The following FSTL5 variants were observed in gnomAD, a reference collection of about 807,000 sequenced individuals.
The protein encoded by FSTL5 is follistatin like 5.
In FSTL5, 62 loss-of-function variants were observed where a neutral mutation model predicts 89.1. The observed-to-expected ratio is 0.70, with a 90% confidence interval of 0.57 to 0.86. The LOEUF (loss-of-function observed/expected upper bound fraction) is 0.86. Ranked by LOEUF, FSTL5 falls within the 40% of genes least tolerant of loss-of-function variation. The probability of loss-of-function intolerance (pLI) is 0.00; values close to 1 mark genes in which losing one functional copy is unlikely to be tolerated. For synonymous variants in FSTL5, 383 were observed against 346.2 expected, an observed-to-expected ratio of 1.11 and a Z score of -1.18; for missense variants, 1,057 against 1,001.6, an observed-to-expected ratio of 1.06 and a Z score of -0.75.
At chr4:161,679,741 A>G (rs1416962225) in intron 6 of FSTL5, among the ~76,000 whole-genome samples, 1 of 151,890 alleles carries the variant, frequency 6.6e-6, no homozygotes, top group Admixed American at 6.6e-5. Flanking sequence ...AATAGCCAAT[A>G]TGATCTCTTT....
intron 9 of FSTL5, among the ~76,000 whole-genome samples, chr4:161,540,797 T>C (rs1731792334): frequency 6.6e-6 from 1 of 152,086 alleles, no homozygotes; most frequent in African/African-American, 2.4e-5. Flanking sequence ...CTGATACTGT[T>C]TTTCTAAATG....
At chr4:162,115,735 C>T (rs1731612210) in intron 1 of FSTL5, among the ~76,000 whole-genome samples, 3 of 152,150 alleles carry the variant, frequency 2.0e-5, no homozygotes, top group Admixed American at 2.0e-4. Context: ...AGGGGGTGGG[C>T]AGAGATCTCT....
At position 161,528,180 on chromosome 4, in the gene FSTL5, G is replaced by GATATA. The variant is rs1731294765; in HGVS notation, c.1312+9981_1312+9985dup. Among the ~76,000 whole-genome samples the GATATA allele has an allele frequency of 2.2e-5, 3 of 135,310 alleles. No homozygotes were observed. In the South Asian group the frequency reaches 8.6e-4, roughly 39 times the overall value. The allele number at this position is 135,310 out of a possible 152,430, so 88.8% of individuals were successfully genotyped here. A position where few individuals can be genotyped will look rare whatever the true frequency, so the allele number is the denominator to read the frequency against. On this transcript the variant is annotated intron_variant, in intron 10 of 15. Transcript: ENST00000306100. Reference sequence around the variant, plus strand: ...GGAGGGGGGAGGGATAACTTTAGGAGATATACCTAATGCTAAATGACGAGT... The same window carrying GATATA: ...GGAGGGGGGAGGGATAACTTTAGGAGATATAATATACCTAATGCTAAATGACGAGT...
At chr4:161,862,909 G>T (rs1731964680) in intron 4 of FSTL5, among the ~76,000 whole-genome samples, 1 of 152,198 alleles carries the variant, frequency 6.6e-6, no homozygotes, top group Non-Finnish European at 1.5e-5. Flanking sequence ...TATATGTATT[G>T]CTAGTTCTCC....
chr4:162,144,136 GA>G (rs1420881627), intron 1 of FSTL5, among the ~76,000 whole-genome samples: 9 of 152,064 alleles, frequency 5.9e-5, no homozygotes, highest in Non-Finnish European at 8.8e-5. Flanking sequence ...CCTTAGTGGA[GA>G]AAAGAACTTG....
At chr4:161,822,609 C>T (rs528688336) in intron 4 of FSTL5, among the ~76,000 whole-genome samples, 10 of 152,318 alleles carry the variant, frequency 6.6e-5, no homozygotes, top group African/African-American at 2.4e-4. Flanking sequence ...AAGAGGGTGT[C>T]ACAGCCCTGG....
rs546174906 is a variant in FSTL5 at position 161,884,113 on chromosome 4, G to A, written c.409+36291C>T. Among the ~76,000 whole-genome samples the A allele has an allele frequency of 7.4e-4, 112 of 151,924 alleles. 2 individuals are homozygous for A. The South Asian group carries it at 0.02, about 27-fold the overall frequency. On this transcript the variant is annotated intron_variant, in intron 4 of 15. Transcript: ENST00000306100. ...TTGCCCAGGCTGCAGTCAGTGGCAC[G>A]ATCTCAGCTCACTGCAACCTCAGCC...
chr4:162,000,705 C>T (rs1736439390), intron 3 of FSTL5, among the ~76,000 whole-genome samples: 1 of 152,006 alleles, frequency 6.6e-6, no homozygotes, highest in Non-Finnish European at 1.5e-5. Context: ...TACCTCTGTA[C>T]AATGACCTTT....
chr4:161,990,606 G>T (rs1736084186), intron 3 of FSTL5, among the ~76,000 whole-genome samples: 1 of 151,812 alleles, frequency 6.6e-6, no homozygotes, highest in Admixed American at 6.6e-5. Context: ...TCATTGAAAG[G>T]CATTAAGAAG....
In FSTL5 at chr4:162,160,835, A is replaced by G. The variant is rs371958411; in HGVS notation, c.-17+2780T>C. Among the ~76,000 whole-genome samples the G allele has an allele frequency of 9.2e-5, 14 of 151,856 alleles. No individual in the cohort carries two copies. The East Asian group carries it at 1.5e-3, about 17-fold the overall frequency. ...GTAACTAGAAAACAAAACAAAACAA[A>G]AAAAAAGCAAGCAAGCAATATACAG... is the stretch of plus-strand genomic sequence containing the variant. On this transcript the variant is annotated intron_variant, in intron 1 of 15. Transcript: ENST00000306100.
intron 5 of FSTL5, among the ~76,000 whole-genome samples, chr4:161,763,772 C>G (rs566202456): frequency 1.8e-4 from 28 of 152,078 alleles, no homozygotes; most frequent in Admixed American, 1.1e-3. Context: ...CAAAAGAAAG[C>G]CCATTTGATT....
At chr4:162,134,833 A>C (rs1390612917) in intron 1 of FSTL5, among the ~76,000 whole-genome samples, 1 of 152,212 alleles carries the variant, frequency 6.6e-6, no homozygotes, top group Non-Finnish European at 1.5e-5. Flanking sequence ...TTAACACAGG[A>C]AACTTATACA....
At chr4:161,502,776 T>C (rs554201288) in intron 11 of FSTL5, among the ~76,000 whole-genome samples, 7 of 151,904 alleles carry the variant, frequency 4.6e-5, no homozygotes, top group Admixed American at 2.6e-4. Context: ...CTCTTTCAAT[T>C]TGCTGCTTTG....
chr4:161,622,825 T>A (rs932189518), intron 7 of FSTL5, among the ~76,000 whole-genome samples: 1 of 152,110 alleles, frequency 6.6e-6, no homozygotes, highest in Non-Finnish European at 1.5e-5. Flanking sequence ...TAAACCTGAG[T>A]ATATGTGTGT....
chr4:161,864,211 A>G (rs1732006877), intron 4 of FSTL5, among the ~76,000 whole-genome samples: 1 of 152,220 alleles, frequency 6.6e-6, no homozygotes, highest in Admixed American at 6.5e-5. Flanking sequence ...TGAAGGAAGT[A>G]ACGTAACACA....
At chr4:161,753,743 T>G (rs1740475761) in intron 6 of FSTL5, among the ~76,000 whole-genome samples, 1 of 152,146 alleles carries the variant, frequency 6.6e-6, no homozygotes, top group Admixed American at 6.5e-5. Context: ...AAATCTATAT[T>G]GCATTAAGAA....
intron 4 of FSTL5, among the ~76,000 whole-genome samples, chr4:161,802,377 T>A (rs1445244812): frequency 6.6e-6 from 1 of 151,730 alleles, no homozygotes; most frequent in African/African-American, 2.4e-5. Context: ...TCGAACACAG[T>A]GAGTGCCCTT....
At chr4:161,546,171 C>A (rs1731997719) in intron 8 of FSTL5, among the ~76,000 whole-genome samples, 1 of 150,036 alleles carries the variant, frequency 6.7e-6, no homozygotes, top group Non-Finnish European at 1.5e-5. Context: ...AAAGTTAAGT[C>A]AGAAAAAAAT....
chr4:161,551,448 A>G (rs1732209274), intron 8 of FSTL5, among the ~76,000 whole-genome samples: 2 of 151,272 alleles, frequency 1.3e-5, no homozygotes, highest in South Asian at 4.2e-4. Context: ...TTTTTCTTGT[A>G]AATTTGTTTG....
Sources: gnomAD v4.1 joint callset for allele counts (sites outside exome capture counted in the v4.1 genomes callset) on GRCh38, gnomAD v4.1.1 for gene constraint, MANE v1.5 for transcripts, NCBI Gene and HGNC (gene_info 2026-07-23, HGNC 2026-07-21) for gene names.